Variants in RGS7 observed in about 807,000 individuals in gnomAD.
The protein encoded by RGS7 is regulator of G-protein signaling 7.
In RGS7, 27 loss-of-function variants were observed where a neutral mutation model predicts 81.1. The ratio of observed to expected loss-of-function variants is 0.33; its 90% CI spans 0.25 to 0.46. The LOEUF (loss-of-function observed/expected upper bound fraction) is 0.46. RGS7 is among the 20% of genes least tolerant of loss of function. The pLI is 1.00. For synonymous variants in RGS7, 208 were observed against 207.7 expected (o/e 1.00, Z -0.01); for missense variants, 396 against 607.4 (o/e 0.65, Z 3.66).
intron 6 of RGS7, among the ~76,000 whole-genome samples, chr1:240,908,874 GA>G (rs906362510): frequency 6.6e-6 from 1 of 152,224 alleles, no homozygotes; most frequent in Non-Finnish European, 1.5e-5. Context: ...CTGAGGACTA[GA>G]AAACAGCCCA....
intron 18 of RGS7, 83 bp from the exon 19 acceptor site, chr1:240,776,296 C>T (rs1682918276): frequency 9.7e-7 from 1 of 1,030,544 alleles, no homozygotes; most frequent in African/African-American, 1.6e-5. Flanking sequence ...CAACTATTTA[C>T]TGTAGCTGAT....
intron 14 of RGS7, among the ~76,000 whole-genome samples, chr1:240,809,387 G>A (rs554962295): frequency 5.0e-4 from 76 of 152,226 alleles, no homozygotes; most frequent in Non-Finnish European, 8.1e-4. Context: ...TAAGATGCAC[G>A]GAGAGTTATT....
rs762258566 is a variant in RGS7 at position 240,868,449 on chromosome 1, C to T, written c.609+138G>A. On this transcript the variant is annotated intron_variant, in intron 9 of 18. Transcript: ENST00000440928. This position sits in a 1 kb window ranked among gnomAD's most constrained non-coding sequence, Gnocchi z 5.1. ...AGTCATCCTACACAAAAGTGGTGAT[C>T]TTTTCTTAATGAATTCACCAAGATA... The T allele has an allele frequency of 5.3e-6, 4 of 759,936 alleles. No homozygotes were observed. The highest frequency in any genetic ancestry group is 9.3e-6 in the Non-Finnish European group (4 of 427,818). 47.1% of individuals were successfully genotyped at this position (759,936 alleles called of 1,614,324 possible).
intron 3 of RGS7, among the ~76,000 whole-genome samples, chr1:241,067,361 T>C (rs2062123038): frequency 6.6e-6 from 1 of 152,220 alleles, no homozygotes; most frequent in South Asian, 2.1e-4. Flanking sequence ...TATTCCATGA[T>C]CCTAGCTTGA....
chr1:241,045,951 C>G (rs577108402), intron 3 of RGS7, among the ~76,000 whole-genome samples: 1 of 152,168 alleles, frequency 6.6e-6, no homozygotes, highest in Non-Finnish European at 1.5e-5. Flanking sequence ...TATGGGCCAG[C>G]TTCACACAAT....
intron 3 of RGS7, among the ~76,000 whole-genome samples, chr1:241,078,985 A>T (rs1434867890): frequency 6.6e-6 from 1 of 152,184 alleles, no homozygotes; most frequent in African/African-American, 2.4e-5. Flanking sequence ...ATCTTCTAAA[A>T]ATTAACTGTA....
At chr1:241,130,791 G>A (rs556079612) in intron 2 of RGS7, among the ~76,000 whole-genome samples, 1 of 149,658 alleles carries the variant, frequency 6.7e-6, no homozygotes, top group African/African-American at 2.6e-5. Flanking sequence ...TTTGGTGTTT[G>A]GTTTCTTTTT....
intron 9 of RGS7, among the ~76,000 whole-genome samples, chr1:240,858,060 T>A (rs780177107): frequency 6.6e-6 from 1 of 152,224 alleles, no homozygotes; most frequent in Admixed American, 6.5e-5. Context: ...TTTTATAAAT[T>A]ACCCAGTCTT....
intron 9 of RGS7, among the ~76,000 whole-genome samples, chr1:240,857,007 T>C (rs1378476991): frequency 6.6e-6 from 1 of 152,190 alleles, no homozygotes; most frequent in Non-Finnish European, 1.5e-5. Flanking sequence ...GTCTTGTCTA[T>C]ATGGCATACA....
At chr1:241,338,036 AT>A (rs1172105402) in intron 2 of RGS7, among the ~76,000 whole-genome samples, 2 of 152,084 alleles carry the variant, frequency 1.3e-5, no homozygotes, top group Non-Finnish European at 2.9e-5. Context: ...TTAGTGAGTG[AT>A]TTTTCAGAAT....
intron 9 of RGS7, among the ~76,000 whole-genome samples, chr1:240,831,631 T>A (rs1288261172): frequency 8.0e-6 from 1 of 125,196 alleles, no homozygotes; most frequent in East Asian, 2.3e-4. Flanking sequence ...CCAGACATCC[T>A]TTTTTTTTTT....
chr1:241,281,689 A>G (rs2078521494), intron 2 of RGS7, among the ~76,000 whole-genome samples: 1 of 152,216 alleles, frequency 6.6e-6, no homozygotes, highest in African/African-American at 2.4e-5. Flanking sequence ...ACAGCATGGC[A>G]CTGTAAATGT....
intron 2 of RGS7, among the ~76,000 whole-genome samples, chr1:241,165,472 C>T (rs1190279178): frequency 6.6e-6 from 1 of 151,924 alleles, no homozygotes; most frequent in Non-Finnish European, 1.5e-5. Flanking sequence ...GAGTTCATGT[C>T]CTTTGTAGGG....
intron 2 of RGS7, among the ~76,000 whole-genome samples, chr1:241,233,729 T>C (rs2075782982): frequency 6.6e-6 from 1 of 152,152 alleles, no homozygotes; most frequent in Non-Finnish European, 1.5e-5. Flanking sequence ...AATATACTGA[T>C]GTCATTTCTT....
At chr1:240,823,669 C>T (rs1558309127) in intron 10 of RGS7, among the ~76,000 whole-genome samples, 1 of 152,168 alleles carries the variant, frequency 6.6e-6, no homozygotes, top group Non-Finnish European at 1.5e-5. Flanking sequence ...AGCTGTGTCT[C>T]CCCAGACTGC....
intron 2 of RGS7, among the ~76,000 whole-genome samples, chr1:241,193,493 T>C (rs1389700389): frequency 6.6e-6 from 1 of 152,252 alleles, no homozygotes; most frequent in Non-Finnish European, 1.5e-5. Context: ...CTAGCTGATA[T>C]TATCAATCAA....
chr1:241,340,099 C>T (rs1453590017), intron 2 of RGS7, among the ~76,000 whole-genome samples: 1 of 152,186 alleles, frequency 6.6e-6, no homozygotes, highest in Non-Finnish European at 1.5e-5. Flanking sequence ...AACAGATAAA[C>T]TTCTTTTGTT....
chr1:241,332,521 T>C (rs1011780853), intron 2 of RGS7, among the ~76,000 whole-genome samples: 3 of 152,110 alleles, frequency 2.0e-5, no homozygotes, highest in African/African-American at 7.2e-5. Flanking sequence ...AAAGAAGTCA[T>C]AGAGAGGGAG....
chr1:240,968,627 G>A (rs529741987), intron 4 of RGS7, among the ~76,000 whole-genome samples: 9 of 151,810 alleles, frequency 5.9e-5, no homozygotes, highest in East Asian at 5.8e-4. Context: ...TTTGAAAATC[G>A]TATCAGATGT....
Sources: allele counts gnomAD v4.1 joint callset (sites outside exome capture counted in the v4.1 genomes callset), GRCh38; gene constraint gnomAD v4.1.1; non-coding constraint Gnocchi (gnomAD v3.1); transcripts MANE v1.5; gene names NCBI Gene and HGNC (gene_info 2026-07-23, HGNC 2026-07-21).